Variants in KIF6 observed in about 807,000 individuals in gnomAD.
KIF6 encodes kinesin family member 6.
Under a neutral mutation model 112.7 loss-of-function variants are expected in KIF6, and 106 were observed. The observed-to-expected ratio is 0.94, with a 90% confidence interval of 0.80 to 1.11. The LOEUF is 1.11. Ranked by LOEUF, KIF6 falls within the 50% of genes least tolerant of loss-of-function variation. KIF6 has a pLI of 0.00. For synonymous variants in KIF6, 339 were observed against 339.9 expected, an observed-to-expected ratio of 1.00 and a Z score of 0.03; for missense variants, 929 against 964.0, an observed-to-expected ratio of 0.96 and a Z score of 0.48.
intron 5 of KIF6, among the ~76,000 whole-genome samples, chr6:39,627,356 T>C (rs1302749615): frequency 6.6e-6 from 1 of 152,316 alleles, no homozygotes; most frequent in East Asian, 1.9e-4. Flanking sequence ...ACAATGTTTT[T>C]CACATTCCAC....
intron 10 of KIF6, among the ~76,000 whole-genome samples, chr6:39,576,019 G>A (rs533493903): frequency 2.1e-3 from 327 of 152,258 alleles, no homozygotes; most frequent in Non-Finnish European, 3.9e-3. Context: ...GAGGGAACCT[G>A]CAGCACACTC....
intron 5 of KIF6, among the ~76,000 whole-genome samples, chr6:39,629,615 T>A (rs2150749725): frequency 6.6e-6 from 1 of 152,254 alleles, no homozygotes; most frequent in African/African-American, 2.4e-5. Flanking sequence ...ATTTGATAAT[T>A]AATTTCTTCC....
intron 10 of KIF6, among the ~76,000 whole-genome samples, chr6:39,550,061 G>GA (rs1293395537): frequency 6.6e-6 from 1 of 151,960 alleles, no homozygotes; most frequent in African/African-American, 2.4e-5. Flanking sequence ...ATCTTTTGTT[G>GA]AAAAAAGAGA....
intron 3 of KIF6, among the ~76,000 whole-genome samples, chr6:39,665,719 T>G (rs1406693290): frequency 6.6e-6 from 1 of 152,182 alleles, no homozygotes; most frequent in African/African-American, 2.4e-5. Flanking sequence ...AGAGCTGTTT[T>G]TTTTTTCTTT....
At position 39,648,221 on chromosome 6, in the gene KIF6, GGC is replaced by G. The variant is rs199815496; in HGVS notation, c.252-8466_252-8465del. 2.3e-3 allele frequency among the ~76,000 whole-genome samples: 158 copies of G among 69,100 alleles called. 1 individual carries two copies. The highest frequency in any genetic ancestry group is 0.011 in the Middle Eastern group (1 of 90). 45.3% of individuals were successfully genotyped at this position (69,100 alleles called of 152,430 possible). On this transcript the variant is annotated intron_variant, in intron 3 of 22. Coordinates refer to ENST00000287152, the MANE Select transcript of KIF6 (RefSeq NM_145027.6). ...GTATTTTTAGTAGAGACGGGGGGCG[GGC>G]GGGGGGGGGTGCCTCACCATGTTGG...
intron 20 of KIF6, among the ~76,000 whole-genome samples, chr6:39,346,085 TCC>T (rs367850137): frequency 9.3e-5 from 2 of 21,598 alleles, no homozygotes; most frequent in African/African-American, 4.4e-4. Context: ...TCTCTCTCTC[TCC>T]CCCCCCTCTC....
intron 3 of KIF6, among the ~76,000 whole-genome samples, chr6:39,645,311 C>A (rs1785103895): frequency 2.0e-5 from 3 of 152,094 alleles, no homozygotes; most frequent in Admixed American, 6.6e-5. Flanking sequence ...CCAGACACAA[C>A]ACATTTACAT....
intron 10 of KIF6, among the ~76,000 whole-genome samples, chr6:39,568,906 C>T (rs1465069669): frequency 6.6e-6 from 1 of 152,106 alleles, no homozygotes; most frequent in Non-Finnish European, 1.5e-5. Context: ...AGTCATGTTT[C>T]AAACAATCTT....
At chr6:39,394,030 T>C (rs1768074299) in intron 15 of KIF6, among the ~76,000 whole-genome samples, 1 of 152,112 alleles carries the variant, frequency 6.6e-6, no homozygotes. Context: ...GTGTGTGTGT[T>C]TGTGCACGCA....
intron 9 of KIF6, chr6:39,583,614 G>T (rs1025933166): frequency 1.1e-4 from 25 of 236,488 alleles, no homozygotes; most frequent in East Asian, 8.4e-4. Context: ...CAATTAATTT[G>T]TTGGTTTTTT....
At chr6:39,663,456 A>G (rs1445909629) in intron 3 of KIF6, among the ~76,000 whole-genome samples, 1 of 152,190 alleles carries the variant, frequency 6.6e-6, no homozygotes, top group East Asian at 1.9e-4. Flanking sequence ...CAAGAAGCAC[A>G]TGGGACCATG....
chr6:39,437,538 G>A (rs935648367), intron 13 of KIF6, among the ~76,000 whole-genome samples: 6 of 152,152 alleles, frequency 3.9e-5, no homozygotes. Context: ...TGTGAAAAAT[G>A]AGGCATGTAT....
intron 3 of KIF6, among the ~76,000 whole-genome samples, chr6:39,687,342 G>A (rs1787935406): frequency 6.6e-6 from 1 of 152,142 alleles, no homozygotes; most frequent in African/African-American, 2.4e-5. Context: ...GAATACTAAC[G>A]CCCAACATCG....
At chr6:39,722,729 T>C (rs1790291091) in intron 1 of KIF6, among the ~76,000 whole-genome samples, 1 of 152,212 alleles carries the variant, frequency 6.6e-6, no homozygotes, top group Non-Finnish European at 1.5e-5. Flanking sequence ...CAAGAAGATA[T>C]GGCATTAAAC....
At chr6:39,599,108 T>C (rs947546811) in intron 6 of KIF6, among the ~76,000 whole-genome samples, 1 of 152,204 alleles carries the variant, frequency 6.6e-6, no homozygotes, top group Non-Finnish European at 1.5e-5. Flanking sequence ...AAAACATGGA[T>C]GTTGGTTACA....
intron 16 of KIF6, among the ~76,000 whole-genome samples, chr6:39,365,519 C>T (rs923384855): frequency 2.6e-5 from 4 of 152,176 alleles, no homozygotes; most frequent in Non-Finnish European, 4.4e-5. Flanking sequence ...CTCAGTGCCT[C>T]GCATGTTTGC....
At chr6:39,646,396 C>G (rs1253710928) in intron 3 of KIF6, among the ~76,000 whole-genome samples, 4 of 151,906 alleles carry the variant, frequency 2.6e-5, no homozygotes. Context: ...TACATTTTGT[C>G]CACCCAAAGA....
chr6:39,645,780 C>T (rs1785137455), intron 3 of KIF6, among the ~76,000 whole-genome samples: 2 of 152,076 alleles, frequency 1.3e-5, no homozygotes, highest in African/African-American at 4.8e-5. Context: ...CCATGGAATA[C>T]TATGCGGCCA....
At chr6:39,654,299 C>T (rs1785645206) in intron 3 of KIF6, among the ~76,000 whole-genome samples, 2 of 152,164 alleles carry the variant, frequency 1.3e-5, no homozygotes, top group Admixed American at 6.5e-5. Context: ...TCAGCCTCCA[C>T]CCCCACAAAC....
Sources: gnomAD v4.1 joint callset for allele counts (sites outside exome capture counted in the v4.1 genomes callset) on GRCh38, gnomAD v4.1.1 for gene constraint, MANE v1.5 for transcripts, NCBI Gene and HGNC (gene_info 2026-07-23, HGNC 2026-07-21) for gene names.